The following KIAA1671 variants were observed in gnomAD, a reference collection of about 807,000 sequenced individuals.
KIAA1671 encodes uncharacterized protein KIAA1671.
KIAA1671 carries 52 observed loss-of-function variants against 131.2 expected under a neutral mutation model. That is an observed-to-expected ratio of 0.40 (90% CI 0.32 to 0.50). KIAA1671 has a LOEUF of 0.50. Ranked by LOEUF, KIAA1671 falls within the 20% of genes least tolerant of loss-of-function variation. The pLI, the probability that KIAA1671 is intolerant of heterozygous loss-of-function variation, is 0.73. For synonymous variants in KIAA1671, 1,003 were observed against 961.6 expected (o/e 1.04, Z -0.80); for missense variants, 2,360 against 2,364.2 (o/e 1.00, Z 0.04).
chr22:25,190,833 G>A, intron 12 of KIAA1671, 49 bp downstream of exon 12: 1 of 1,335,960 alleles, frequency 7.5e-7, no homozygotes, highest in Non-Finnish European at 1.1e-6. Flanking sequence ...TGCAGTCACA[G>A]GAATGGGGAA....
At chr22:24,958,663 A>T (rs1921848299) in intron 1 of KIAA1671, among the ~76,000 whole-genome samples, 1 of 150,868 alleles carries the variant, frequency 6.6e-6, no homozygotes, top group Non-Finnish European at 1.5e-5. Flanking sequence ...AAAAAAAAAA[A>T]AAAAAAGGTT....
At chr22:25,036,487 G>C (rs1926604930) in intron 4 of KIAA1671, among the ~76,000 whole-genome samples, 1 of 151,970 alleles carries the variant, frequency 6.6e-6, no homozygotes, top group Admixed American at 6.5e-5. Flanking sequence ...AATTTACAAA[G>C]TTTCAAAAAT....
Position 25,196,671 on chromosome 22 carries a change from A to G in KIAA1671, c.*4270A>G, listed in dbSNP as rs1934838948. ...CAAGCTGGTCTTAAACTTGGTCTCA[A>G]GTGATTCTACTGCCTCAGCCTCCCA... On this transcript the variant is annotated 3_prime_UTR_variant, in exon 13 of 13. Transcript: ENST00000358431. The G allele has an allele frequency of 6.6e-6, 1 of 152,146 alleles. No homozygotes were observed. Among genetic ancestry groups the G allele is most frequent in the Admixed American group, 6.6e-5 (1 of 15,252 alleles). 9.4% of individuals were successfully genotyped at this position (152,146 alleles called of 1,614,324 possible).
intron 1 of KIAA1671, among the ~76,000 whole-genome samples, chr22:25,019,684 CA>C (rs113527162): frequency 0.49 from 71,242 of 145,894 alleles, 17,724 homozygotes; most frequent in African/African-American, 0.64. Flanking sequence ...ACCTTGAATA[CA>C]AAAAAAAAAA....
intron 6 of KIAA1671, among the ~76,000 whole-genome samples, chr22:25,080,908 C>T (rs1428681066): frequency 1.3e-5 from 2 of 152,150 alleles, no homozygotes; most frequent in African/African-American, 2.4e-5. Context: ...GTCACCTTCC[C>T]GTGCTGTTGG....
At chr22:24,975,333 T>C (rs1050718686) in intron 1 of KIAA1671, among the ~76,000 whole-genome samples, 6 of 152,142 alleles carry the variant, frequency 3.9e-5, no homozygotes, top group Non-Finnish European at 8.8e-5. Flanking sequence ...TCAGTTTTTT[T>C]TTCAAGACAG....
chr22:25,140,271 C>T (rs1256967814), intron 6 of KIAA1671, among the ~76,000 whole-genome samples: 3 of 152,198 alleles, frequency 2.0e-5, no homozygotes, highest in African/African-American at 4.8e-5. Context: ...AGAGGCTGTC[C>T]GCAGTTCCTT....
At position 25,196,274 on chromosome 22, in the gene KIAA1671, G is replaced by GC; in HGVS notation, c.*3876dup. 1 of 152,034 alleles carries GC rather than the reference G, an allele frequency of 6.6e-6. No individual in the cohort carries two copies. The highest frequency in any genetic ancestry group is 1.9e-4 in the East Asian group (1 of 5,182). 9.4% of individuals were successfully genotyped at this position (152,034 alleles called of 1,614,324 possible). On this transcript the variant is annotated 3_prime_UTR_variant, in exon 13 of 13. Coordinates refer to ENST00000358431, the MANE Select transcript of KIAA1671 (RefSeq NM_001145206.2). The stretch of plus-strand genomic sequence containing the variant: ...TAACCCTTAAAATGGACACCCCTCA[G>GC]CCCGCCCTCCCCTTTGGCCTTCCCA...
At chr22:25,178,918 G>A (rs2079718575) in intron 9 of KIAA1671, among the ~76,000 whole-genome samples, 1 of 152,236 alleles carries the variant, frequency 6.6e-6, no homozygotes, top group Non-Finnish European at 1.5e-5. Flanking sequence ...CTCGCCTGCT[G>A]GCCAGGGGCG....
chr22:25,045,175 A>T (rs1213954572), intron 5 of KIAA1671, among the ~76,000 whole-genome samples: 8 of 151,378 alleles, frequency 5.3e-5, no homozygotes, highest in Admixed American at 4.6e-4. Context: ...AAAAAAAAAA[A>T]TTTTGAAATA....
chr22:25,171,475 G>A (rs1450860471), intron 7 of KIAA1671, among the ~76,000 whole-genome samples: 2 of 152,142 alleles, frequency 1.3e-5, no homozygotes, highest in Non-Finnish European at 2.9e-5. Context: ...ACTTTGGGAA[G>A]CCCAGGCGGG....
intron 3 of KIAA1671, 104 bp from the exon 4 acceptor site, chr22:25,032,505 T>C (rs1602083474): frequency 3.2e-6 from 2 of 620,104 alleles, no homozygotes. Context: ...GGAAAGGAAA[T>C]GTCCTTTCTG....
chr22:25,084,457 CAA>C lies in KIAA1671; in HGVS notation c.4530+35110_4530+35111del, dbSNP rs36090380. ...TCAGCGACAGAGCAAGACTCTATCT[CAA>C]AAAAAAAAAAAAAAAATTGACAATG... On this transcript the variant is annotated intron_variant, in intron 6 of 12. Coordinates refer to ENST00000358431, the MANE Select transcript of KIAA1671 (RefSeq NM_001145206.2). Among the ~76,000 whole-genome samples, 87 of 128,430 alleles carry C rather than the reference CAA, an allele frequency of 6.8e-4. 1 individual carries two copies. The highest frequency in any genetic ancestry group is 8.7e-4 in the Non-Finnish European group (54 of 62,118). The allele number at this position is 128,430 out of a possible 152,430, so 84.3% of individuals were successfully genotyped here.
intron 1 of KIAA1671, among the ~76,000 whole-genome samples, chr22:24,966,753 G>A (rs1453525907): frequency 6.6e-6 from 1 of 152,122 alleles, no homozygotes; most frequent in Admixed American, 6.5e-5. Context: ...AGGAGTTTGA[G>A]ACCAGCCTGG....
At chr22:25,053,233 C>G (rs1003626373) in intron 6 of KIAA1671, 3 of 152,254 alleles carry the variant, frequency 2.0e-5, no homozygotes, top group African/African-American at 7.2e-5. Context: ...CTCTCTGTTT[C>G]TCCCCATCTC....
chr22:24,956,744 T>TGC (rs1921723545), intron 1 of KIAA1671, among the ~76,000 whole-genome samples: 1 of 151,858 alleles, frequency 6.6e-6, no homozygotes, highest in African/African-American at 2.4e-5. Context: ...TGGTGGCGGG[T>TGC]GCCTGTAGTC....
chr22:24,986,059 G>A (rs2123837654), intron 1 of KIAA1671, among the ~76,000 whole-genome samples: 1 of 152,224 alleles, frequency 6.6e-6, no homozygotes, highest in East Asian at 1.9e-4. Flanking sequence ...CTGAACATGG[G>A]TTTCCTTCCT....
chr22:25,051,158 C>G (rs1217483558), intron 6 of KIAA1671: 1 of 152,282 alleles, frequency 6.6e-6, no homozygotes, highest in Non-Finnish European at 1.5e-5. Flanking sequence ...AGGGACTTAG[C>G]ATGAACCGGA....
At chr22:25,147,612 A>G (rs1932908466) in intron 6 of KIAA1671, among the ~76,000 whole-genome samples, 2 of 152,004 alleles carry the variant, frequency 1.3e-5, no homozygotes, top group East Asian at 3.9e-4. Flanking sequence ...CTTTGCTCAA[A>G]TGTTACCTTT....
Sources: gnomAD v4.1 joint callset for allele counts (sites outside exome capture counted in the v4.1 genomes callset) on GRCh38, gnomAD v4.1.1 for gene constraint, MANE v1.5 for transcripts, NCBI Gene and HGNC (gene_info 2026-07-23, HGNC 2026-07-21) for gene names.